Variants in MRPS9 observed in about 807,000 individuals in gnomAD.
MRPS9 encodes small ribosomal subunit protein uS9m.
A neutral mutation model predicts 59.9 loss-of-function variants in MRPS9; 45 were observed. That is an observed-to-expected ratio of 0.75 (90% CI 0.59 to 0.96). The LOEUF is 0.96. MRPS9 is among the 40% of genes least tolerant of loss of function. The pLI, the probability that MRPS9 is intolerant of heterozygous loss-of-function variation, is 0.00. For synonymous variants in MRPS9, 171 were observed against 166.8 expected (o/e 1.03, Z -0.19); for missense variants, 473 against 481.1 (o/e 0.98, Z 0.16).
chr2:105,097,477 C>A, intron 10 of MRPS9, 153 bp downstream of exon 10: 1 of 651,848 alleles, frequency 1.5e-6, no homozygotes, highest in Non-Finnish European at 2.3e-6. Context: ...AGAACCATAA[C>A]AGTATTTCTC....
At chr2:105,093,770 A>G (rs1680606237) in intron 9 of MRPS9, 132 bp downstream of exon 9, 1 of 486,920 alleles carries the variant, frequency 2.1e-6, no homozygotes, top group Non-Finnish European at 3.7e-6. Flanking sequence ...AATGTAACAT[A>G]TCAAACTAGC....
chr2:105,097,428 A>C (rs1219842698), intron 10 of MRPS9, 104 bp downstream of exon 10: 4 of 1,030,690 alleles, frequency 3.9e-6, no homozygotes, highest in Non-Finnish European at 3.9e-6. Flanking sequence ...ATATAGTTAC[A>C]TATGTAATAT....
intron 2 of MRPS9, among the ~76,000 whole-genome samples, chr2:105,070,442 G>A (rs941133716): frequency 7.9e-5 from 12 of 152,130 alleles, no homozygotes; most frequent in African/African-American, 2.9e-4. Context: ...TACTATGCGG[G>A]TAGGCAGAGA....
At chr2:105,062,284 C>T (rs1252351618) in intron 2 of MRPS9, among the ~76,000 whole-genome samples, 1 of 152,198 alleles carries the variant, frequency 6.6e-6, no homozygotes, top group African/African-American at 2.4e-5. Flanking sequence ...TACCTTTACT[C>T]TTTAAGATAG....
intron 2 of MRPS9, among the ~76,000 whole-genome samples, chr2:105,051,007 A>G (rs78340444): frequency 0.21 from 31,501 of 152,128 alleles, 3,338 homozygotes; most frequent in Middle Eastern, 0.35. Flanking sequence ...GGGCATTTGG[A>G]TTTCCATTTT....
intron 10 of MRPS9, chr2:105,099,391 CT>C (rs1257970622): frequency 1.9e-5 from 5 of 265,988 alleles, no homozygotes; most frequent in Non-Finnish European, 3.6e-5. Context: ...GTTGAGCAAG[CT>C]TAAAAACCAA....
chr2:105,070,060 A>G (rs182178269), intron 2 of MRPS9, among the ~76,000 whole-genome samples: 118 of 152,242 alleles, frequency 7.8e-4, no homozygotes, highest in Admixed American at 1.6e-3. Flanking sequence ...GGAAGGGGGT[A>G]GGTGGGGAGG....
chr2:105,048,541 C>CAGTTATTT (rs1679650587), intron 1 of MRPS9, among the ~76,000 whole-genome samples: 1 of 151,768 alleles, frequency 6.6e-6, no homozygotes, highest in Non-Finnish European at 1.5e-5. Flanking sequence ...GATATGCGAG[C>CAGTTATTT]CCTTATTTCT....
intron 5 of MRPS9, among the ~76,000 whole-genome samples, chr2:105,082,729 C>A (rs1036847170): frequency 6.6e-6 from 1 of 152,106 alleles, no homozygotes; most frequent in African/African-American, 2.4e-5. Context: ...ATTTGCTGAT[C>A]CGTGATGTTC....
At chr2:105,099,473 T>C (rs1680744279) in intron 10 of MRPS9, among the ~76,000 whole-genome samples, 197 bp from the exon 11 acceptor site, 3 of 152,170 alleles carry the variant, frequency 2.0e-5, no homozygotes, top group Non-Finnish European at 4.4e-5. Context: ...GTCTCAGAGG[T>C]TGGAAAAATA....
chr2:105,052,253 G>A lies in MRPS9; in HGVS notation c.315+2903G>A, dbSNP rs535068698. Among the ~76,000 whole-genome samples the A allele has an allele frequency of 3.3e-5, 5 of 152,232 alleles. No homozygotes were observed. The South Asian group carries it at 6.2e-4, about 19-fold the overall frequency. On this transcript the variant is annotated intron_variant, in intron 2 of 10. Coordinates refer to ENST00000258455, the MANE Select transcript of MRPS9 (RefSeq NM_182640.3). ...CCATTAAATATGATGTTAGCTGTGC[G>A]TTTTTCATGGGTGCTCTATCAGATT... is the stretch of plus-strand genomic sequence containing the variant.
intron 1 of MRPS9, among the ~76,000 whole-genome samples, chr2:105,044,667 T>C (rs888137870): frequency 6.6e-6 from 1 of 152,212 alleles, no homozygotes; most frequent in African/African-American, 2.4e-5. Flanking sequence ...CACCACCTTA[T>C]GTCACAAACT....
intron 8 of MRPS9, 54 bp from the exon 9 acceptor site, chr2:105,093,476 C>T: frequency 1.9e-6 from 2 of 1,054,988 alleles, no homozygotes; most frequent in Non-Finnish European, 2.8e-6. Flanking sequence ...TTTTACCTGT[C>T]TCAAAGCGCA....
At position 105,099,860 on chromosome 2, in the gene MRPS9, G is replaced by A. The variant is rs888237935; in HGVS notation, c.*99G>A. The A allele has an allele frequency of 4.3e-6, 4 of 929,232 alleles. No individual in the cohort carries two copies. Among genetic ancestry groups the A allele is most frequent in the East Asian group, 2.8e-5 (1 of 36,162 alleles). The allele number at this position is 929,232 out of a possible 1,614,324, so 57.6% of individuals were successfully genotyped here. A position where few individuals can be genotyped will look rare whatever the true frequency, so the allele number is the denominator to read the frequency against. ...GGCTGACCAGCATGAGGGCAGTACT[G>A]TCAGAAATTTCTTTGAGCTGTGAGA... On this transcript the variant is annotated 3_prime_UTR_variant, in exon 11 of 11. Transcript: ENST00000258455.
chr2:105,078,315 A>AGTTGTGTGTGT (rs144714916), intron 4 of MRPS9, among the ~76,000 whole-genome samples: 1 of 147,356 alleles, frequency 6.8e-6, no homozygotes, highest in Non-Finnish European at 1.5e-5. Context: ...GGTGAAGTCA[A>AGTTGTGTGTGT]GTGTGTGTGT....
chr2:105,046,968 A>G (rs1011354595), intron 1 of MRPS9, among the ~76,000 whole-genome samples: 1 of 152,000 alleles, frequency 6.6e-6, no homozygotes, highest in African/African-American at 2.4e-5. Context: ...CATTGCCCAA[A>G]GAAGACGTAG....
At position 105,049,321 on chromosome 2, in the gene MRPS9, C is replaced by A; in HGVS notation, c.286C>A (p.Pro96Thr). Reference protein sequence around the residue: ...RHLANMMGEDPETFTQEDIDR... With the variant: ...RHLANMMGEDTETFTQEDIDR... The stretch of plus-strand genomic sequence containing the variant: ...TTTAGCCAACATGATGGGAGAAGAT[C>A]CAGAAACTTTCACTCAAGAAGATAT... Residue 96 changes from proline (P) to threonine (T), a missense_variant, in exon 2 of 11, where the codon CCA (proline) becomes ACA (threonine). Transcript: ENST00000258455. 1 of 1,611,020 alleles carries A rather than the reference C, an allele frequency of 6.2e-7. No individual in the cohort carries two copies.
intron 1 of MRPS9, among the ~76,000 whole-genome samples, chr2:105,042,630 G>A (rs755086550): frequency 3.3e-5 from 5 of 152,200 alleles, no homozygotes; most frequent in Admixed American, 2.6e-4. Flanking sequence ...CTGAACACCT[G>A]CTGTATCATT....
At chr2:105,047,067 C>G (rs1293603468) in intron 1 of MRPS9, among the ~76,000 whole-genome samples, 1 of 151,822 alleles carries the variant, frequency 6.6e-6, no homozygotes, top group African/African-American at 2.4e-5. Flanking sequence ...GTGCTGGTGG[C>G]GCTGGGCTGT....
Sources: allele counts gnomAD v4.1 joint callset (sites outside exome capture counted in the v4.1 genomes callset), GRCh38; gene constraint gnomAD v4.1.1; transcripts MANE v1.5; gene names NCBI Gene and HGNC (gene_info 2026-07-23, HGNC 2026-07-21).